Variants in BIRC3 observed in about 807,000 individuals in gnomAD.
The protein encoded by BIRC3 is baculoviral IAP repeat-containing protein 3.
BIRC3 carries 26 observed loss-of-function variants against 59.0 expected under a neutral mutation model. The observed-to-expected ratio is 0.44, with a 90% CI of 0.32 to 0.61. BIRC3 has a LOEUF of 0.61. Ranked by LOEUF, BIRC3 falls within the 20% of genes least tolerant of loss-of-function variation. The pLI is 0.04. For synonymous variants in BIRC3, 243 were observed against 249.2 expected, an observed-to-expected ratio of 0.98 and a Z score of 0.24; for missense variants, 641 against 711.5, an observed-to-expected ratio of 0.90 and a Z score of 1.13.
chr11:102,327,921 G>A, intron 3 of BIRC3, 131 bp from the exon 4 acceptor site: 1 of 635,264 alleles, frequency 1.6e-6, no homozygotes, highest in Non-Finnish European at 2.7e-6. Flanking sequence ...GATCTTAAAT[G>A]ATTCTGTGAT....
At chr11:102,320,605 C>T (rs541007545) in intron 1 of BIRC3, among the ~76,000 whole-genome samples, 4 of 152,276 alleles carry the variant, frequency 2.6e-5, no homozygotes, top group South Asian at 4.1e-4. Context: ...ACTCTGTTTA[C>T]GTATTTGATA....
At chr11:102,336,587 CA>C (rs990903076) in intron 7 of BIRC3, 172 bp from the exon 8 acceptor site, 299 of 659,980 alleles carry the variant, frequency 4.5e-4, no homozygotes, top group South Asian at 5.5e-4. Context: ...GACTCTGTCT[CA>C]AAAAAAAATC....
rs909315571 is a variant in BIRC3, at chr11:102,337,642, G to T, written c.*540G>T. On this transcript the variant is annotated 3_prime_UTR_variant, in exon 9 of 9. Coordinates refer to ENST00000263464, the MANE Select transcript of BIRC3 (RefSeq NM_001165.5). The stretch of plus-strand genomic sequence containing the variant: ...GATCAGTGTCCTATACATCGAAGGT[G>T]TGCATATATGTTGAATGACATTTTA... 2.4e-5 allele frequency: 8 copies of T among 335,088 alleles called. No individual in the cohort carries two copies. The highest frequency in any genetic ancestry group is 1.7e-4 in the African/African-American group (8 of 47,588). 20.8% of individuals were successfully genotyped at this position (335,088 alleles called of 1,614,324 possible).
intron 5 of BIRC3, among the ~76,000 whole-genome samples, chr11:102,330,788 C>G (rs1228828269): frequency 6.6e-6 from 1 of 152,170 alleles, no homozygotes; most frequent in African/African-American, 2.4e-5. Flanking sequence ...TATTTTGCAT[C>G]TAAGTACAAT....
intron 1 of BIRC3, among the ~76,000 whole-genome samples, chr11:102,317,924 C>T (rs573067117): frequency 1.3e-5 from 2 of 152,258 alleles, no homozygotes; most frequent in Middle Eastern, 3.4e-3. Context: ...TAAGGCAGAG[C>T]TCTGGCACAG....
Position 102,317,588 on chromosome 11 carries a change from G to GGT in BIRC3, c.-2674+37_-2674+38dup, listed in dbSNP as rs57970279. ...GGGCAGCAGGTGGGCAAGGAAGGCT[G>GGT]GTGTGTGTGTGTGTGTGTGTGCGTG... On this transcript the variant is annotated intron_variant, in intron 1 of 8. Transcript: ENST00000263464. 1,711 of 151,030 alleles carry GGT rather than the reference G, an allele frequency of 0.011. 19 individuals are homozygous for GGT. The highest frequency in any genetic ancestry group is 0.029 in the African/African-American group (1,190 of 40,922). The allele number at this position is 151,030 out of a possible 1,614,324, so 9.4% of individuals were successfully genotyped here. A position where few individuals can be genotyped will look rare whatever the true frequency, so the allele number is the denominator to read the frequency against.
At position 102,329,875 on chromosome 11, in the gene BIRC3, A is replaced by G. The variant is rs17882600; in HGVS notation, c.1081+930A>G. Among the ~76,000 whole-genome samples the G allele has an allele frequency of 3.8e-3, 580 of 152,268 alleles. 4 individuals are homozygous for G. Among genetic ancestry groups the G allele is most frequent in the African/African-American group, 0.013 (554 of 41,550 alleles). On this transcript the variant is annotated intron_variant, in intron 5 of 8. Coordinates refer to ENST00000263464, the MANE Select transcript of BIRC3 (RefSeq NM_001165.5). ...CGGGTGCAGCACACCAACATGGCAC[A>G]TGTATACATATGTAACAAACCTGCA...
At position 102,337,111 on chromosome 11, in the gene BIRC3, C is replaced by A. The variant is rs368682383; in HGVS notation, c.*9C>A. 2.0e-6 allele frequency: 3 copies of A among 1,473,568 alleles called. No individual in the cohort carries two copies. Among genetic ancestry groups the A allele is most frequent in the South Asian group, 3.0e-5 (2 of 66,840 alleles). The allele number at this position is 1,473,568 out of a possible 1,614,324, so 91.3% of individuals were successfully genotyped here. ...GTACATTTCTTTCATGAAGAAGAACCAAAACATCGTCTAAACTTTAGAATT... is the reference window on the plus strand; with the variant it reads ...GTACATTTCTTTCATGAAGAAGAACAAAAACATCGTCTAAACTTTAGAATT... On this transcript the variant is annotated 3_prime_UTR_variant, in exon 9 of 9. Transcript: ENST00000263464.
intron 5 of BIRC3, among the ~76,000 whole-genome samples, chr11:102,329,950 G>GA (rs1321085540): frequency 6.6e-6 from 1 of 151,934 alleles, no homozygotes; most frequent in Admixed American, 6.6e-5. Context: ...TTAAAAAAAG[G>GA]AAAAAAAGAA....
At position 102,328,958 on chromosome 11, in the gene BIRC3, G is replaced by T. The variant is rs1242109082; in HGVS notation, c.1081+13G>T. 7.0e-7 allele frequency: 1 copy of T among 1,437,974 alleles called. No individual in the cohort carries two copies. The highest frequency in any genetic ancestry group is 9.2e-7 in the Non-Finnish European group (1 of 1,084,368). The allele number at this position is 1,437,974 out of a possible 1,614,324, so 89.1% of individuals were successfully genotyped here. A position where few individuals can be genotyped will look rare whatever the true frequency, so the allele number is the denominator to read the frequency against. ...GCAGAGTCATCAAGTAAGTACAATGGATAATAATGAATGCATTTAAATAGA... is the reference window on the plus strand; with the variant it reads ...GCAGAGTCATCAAGTAAGTACAATGTATAATAATGAATGCATTTAAATAGA... On this transcript the variant is annotated intron_variant, in intron 5 of 8. Coordinates refer to ENST00000263464, the MANE Select transcript of BIRC3 (RefSeq NM_001165.5).
rs972874056 is a variant in BIRC3 at position 102,323,776 on chromosome 11, A to G, written c.-734A>G. On this transcript the variant is annotated 5_prime_UTR_variant, in exon 2 of 9. Transcript: ENST00000263464. ...ATTGGAGAAAAATTGGGGATATATC[A>G]TATTTCACTGAATTCAAAATGTCTT... 3 of 200,704 alleles carry G rather than the reference A, an allele frequency of 1.5e-5. No individual in the cohort carries two copies. The highest frequency in any genetic ancestry group is 3.1e-5 in the Non-Finnish European group (3 of 97,518). 12.4% of individuals were successfully genotyped at this position (200,704 alleles called of 1,614,324 possible).
intron 1 of BIRC3, among the ~76,000 whole-genome samples, chr11:102,318,901 T>A (rs1181293363): frequency 6.6e-6 from 1 of 152,186 alleles, no homozygotes; most frequent in Non-Finnish European, 1.5e-5. Flanking sequence ...CCGAAAGCAG[T>A]TTTAAGTGAT....
intron 3 of BIRC3, among the ~76,000 whole-genome samples, chr11:102,327,389 G>T (rs191760522): frequency 6.6e-6 from 1 of 151,882 alleles, no homozygotes; most frequent in Non-Finnish European, 1.5e-5. Flanking sequence ...GCCTGTAATC[G>T]CAGCACTTTG....
rs746980898 is a variant in BIRC3 at position 102,325,426 on chromosome 11, T to C, written c.854-40T>C. On this transcript the variant is annotated intron_variant, in intron 2 of 8. Coordinates refer to ENST00000263464, the MANE Select transcript of BIRC3 (RefSeq NM_001165.5). The stretch of plus-strand genomic sequence containing the variant: ...CATTTTATACATTTTAGTGGGCAAA[T>C]TATGTGTATTCATAAGTTTTGGTCT... 4 of 1,598,624 alleles carry C rather than the reference T, an allele frequency of 2.5e-6. No individual in the cohort carries two copies. In the South Asian group the frequency reaches 4.6e-5, roughly 18 times the overall value.
chr11:102,330,791 A>C (rs1951130164), intron 5 of BIRC3, among the ~76,000 whole-genome samples: 1 of 152,220 alleles, frequency 6.6e-6, no homozygotes, highest in South Asian at 2.1e-4. Flanking sequence ...TTTGCATCTA[A>C]GTACAATATT....
intron 5 of BIRC3, among the ~76,000 whole-genome samples, chr11:102,329,356 G>T (rs745940463): frequency 6.6e-6 from 1 of 152,124 alleles, no homozygotes; most frequent in Non-Finnish European, 1.5e-5. Context: ...AAATAGGGAC[G>T]CTGAGGCTCA....
rs200833305 is a variant in BIRC3, at chr11:102,336,073, G to C, written c.1432G>C (p.Glu478Gln). Reference protein sequence around the residue: ...LLTAGIINEQEHDVIKQKTQT... With the variant: ...LLTAGIINEQQHDVIKQKTQT... ...AACTGCCGGAATTATTAATGAACAAGAACATGATGTTATTAAACAGAAGAC... is the reference window on the plus strand; with the variant it reads ...AACTGCCGGAATTATTAATGAACAACAACATGATGTTATTAAACAGAAGAC... The change falls in exon 7 of 9, where the codon GAA (glutamate) becomes CAA (glutamine). Residue 478 changes from glutamate (E) to glutamine (Q), a missense_variant. Coordinates refer to ENST00000263464, the MANE Select transcript of BIRC3 (RefSeq NM_001165.5). 6.8e-6 allele frequency: 11 copies of C among 1,613,824 alleles called. No individual in the cohort carries two copies. In the East Asian group the frequency reaches 2.5e-4, roughly 36 times the overall value.
At chr11:102,331,348 T>C in intron 6 of BIRC3, 107 bp downstream of exon 6, 1 of 1,199,570 alleles carries the variant, frequency 8.3e-7, no homozygotes, top group East Asian at 2.9e-5. Flanking sequence ...CTCAATCCAG[T>C]CAGGTTTTTT....
chr11:102,333,186 G>A lies in BIRC3; in HGVS notation c.1324+1945G>A, dbSNP rs140731200. Among the ~76,000 whole-genome samples, 593 of 152,094 alleles carry A rather than the reference G, an allele frequency of 3.9e-3. 4 individuals are homozygous for A. Among genetic ancestry groups the A allele is most frequent in the Non-Finnish European group, 5.2e-3 (356 of 67,996 alleles). ...GAGTGAGTGAATGAAAACACATTTAGGTTAATGATTACGTTATAGTTTCCC... is the reference window on the plus strand; with the variant it reads ...GAGTGAGTGAATGAAAACACATTTAAGTTAATGATTACGTTATAGTTTCCC... On this transcript the variant is annotated intron_variant, in intron 6 of 8. Coordinates refer to ENST00000263464, the MANE Select transcript of BIRC3 (RefSeq NM_001165.5).
Sources: gnomAD v4.1 joint callset for allele counts (sites outside exome capture counted in the v4.1 genomes callset) on GRCh38, gnomAD v4.1.1 for gene constraint, MANE v1.5 for transcripts, NCBI Gene and HGNC (gene_info 2026-07-23, HGNC 2026-07-21) for gene names.